The following LONP2 variants were observed in gnomAD, a reference collection of about 807,000 sequenced individuals.
The protein encoded by LONP2 is lon protease homolog 2, peroxisomal.
In LONP2, 60 loss-of-function variants were observed where a neutral mutation model predicts 85.6. That is an observed-to-expected ratio of 0.70 (90% confidence interval 0.57 to 0.87). The LOEUF is 0.87. Among genes scored for constraint, LONP2 ranks in the 40% least tolerant of loss-of-function variants. LONP2 has a pLI of 0.00. For missense variants in LONP2, 860 were observed against 1,063.5 expected (o/e 0.81, Z 2.66); for synonymous variants, 395 against 389.7 (o/e 1.01, Z -0.16).
chr16:48,327,360 C>T (rs1378701383), intron 11 of LONP2, among the ~76,000 whole-genome samples: 1 of 152,128 alleles, frequency 6.6e-6, no homozygotes, highest in Non-Finnish European at 1.5e-5. Flanking sequence ...GGAAAATAGT[C>T]GAAGTGGGAT....
At chr16:48,360,868 C>T (rs1186124346), downstream of LONP2, 2 of 152,036 alleles carry the variant, frequency 1.3e-5, no homozygotes, top group Non-Finnish European at 1.5e-5. Flanking sequence ...ATTATTTTTC[C>T]GATGTCACCT....
chr16:48,295,922 C>T (rs2150995681), intron 8 of LONP2, 93 bp from the exon 9 acceptor site: 1 of 1,176,820 alleles, frequency 8.5e-7, no homozygotes, highest in African/African-American at 1.6e-5. Context: ...GCAGAAATAC[C>T]AACCTTGCCA....
At chr16:48,273,137 C>T (rs751656291) in intron 7 of LONP2, among the ~76,000 whole-genome samples, 2 of 152,024 alleles carry the variant, frequency 1.3e-5, no homozygotes, top group East Asian at 1.9e-4. Flanking sequence ...ACCACTGTTC[C>T]GCAGCCTTAG....
At chr16:48,276,570 C>T (rs552312778) in intron 7 of LONP2, among the ~76,000 whole-genome samples, 1 of 152,186 alleles carries the variant, frequency 6.6e-6, no homozygotes, top group East Asian at 1.9e-4. Context: ...GTTTTTATTT[C>T]ATGCCACACT....
intron 12 of LONP2, among the ~76,000 whole-genome samples, chr16:48,340,076 A>C (rs1364980353): frequency 6.6e-6 from 1 of 152,204 alleles, no homozygotes; most frequent in African/African-American, 2.4e-5. Context: ...GCAGAAAGGA[A>C]GGAGCAGAGT....
intron 3 of LONP2, among the ~76,000 whole-genome samples, chr16:48,257,215 G>A (rs1022425505): frequency 6.6e-6 from 1 of 152,118 alleles, no homozygotes; most frequent in Non-Finnish European, 1.5e-5. Context: ...AGAGGCTGAG[G>A]CAGGAGAATC....
intron 7 of LONP2, among the ~76,000 whole-genome samples, chr16:48,274,658 A>ACACC (rs1205659528): frequency 1.1e-4 from 17 of 151,748 alleles, no homozygotes; most frequent in African/African-American, 4.1e-4. Flanking sequence ...ACACACCCAC[A>ACACC]CACCCACCCA....
Position 48,244,609 on chromosome 16 carries a change from C to T in LONP2, c.221C>T (p.Pro74Leu), listed in dbSNP as rs1971238496. 3 of 1,469,594 alleles carry T rather than the reference C, an allele frequency of 2.0e-6. No individual in the cohort carries two copies. Among genetic ancestry groups the T allele is most frequent in the African/African-American group, 1.5e-5 (1 of 68,422 alleles). The allele number at this position is 1,469,594 out of a possible 1,614,324, so 91.0% of individuals were successfully genotyped here. The change falls in exon 1 of 15, where the codon CCG (proline) becomes CTG (leucine). Residue 74 changes from proline to leucine, a missense_variant. Around this residue, in one of 3 missense-constraint regions of LONP2, gnomAD observed 743 missense variants for 917.3 expected, o/e 0.81. Coordinates refer to ENST00000285737, the MANE Select transcript of LONP2 (RefSeq NM_031490.5). ...PDPASDAQDL[P>L]PLHRIGTAAL... Reference sequence around the variant, plus strand: ...CCCGCCAGCGACGCGCAGGACCTGCCGCCGCTGCACAGGTAGGCCTGGCTG... The same window carrying T: ...CCCGCCAGCGACGCGCAGGACCTGCTGCCGCTGCACAGGTAGGCCTGGCTG...
chr16:48,349,249 GA>G (rs879906791), intron 14 of LONP2, among the ~76,000 whole-genome samples: 39 of 142,950 alleles, frequency 2.7e-4, no homozygotes, highest in East Asian at 8.0e-4. Flanking sequence ...GCAAGATGAG[GA>G]AAAAAAAAAA....
intron 1 of LONP2, among the ~76,000 whole-genome samples, chr16:48,244,908 T>C (rs1209618214): frequency 1.3e-5 from 2 of 152,226 alleles, no homozygotes; most frequent in African/African-American, 4.8e-5. Flanking sequence ...CCGCAATTCC[T>C]CGCCCTCGGT....
At chr16:48,340,660 C>G (rs1344645446) in intron 12 of LONP2, among the ~76,000 whole-genome samples, 6 of 152,240 alleles carry the variant, frequency 3.9e-5, no homozygotes, top group Admixed American at 2.0e-4. Context: ...TCTTGCATTC[C>G]TATAAAGAAA....
intron 12 of LONP2, chr16:48,334,874 C>A: frequency 2.2e-6 from 1 of 449,976 alleles, no homozygotes; most frequent in Non-Finnish European, 4.5e-6. Context: ...TGCAGCTTGG[C>A]CAGTCTCACT....
chr16:48,288,150 CTTTTTTTTT>C (rs1170612024), intron 8 of LONP2, among the ~76,000 whole-genome samples: 2 of 121,538 alleles, frequency 1.6e-5, no homozygotes, highest in African/African-American at 3.0e-5. Context: ...TAGTCTTCTT[CTTTTTTTTT>C]TTTTTTTTTT....
At chr16:48,293,942 T>C (rs1972613461) in intron 8 of LONP2, among the ~76,000 whole-genome samples, 1 of 152,182 alleles carries the variant, frequency 6.6e-6, no homozygotes, top group African/African-American at 2.4e-5. Context: ...TTTGTTCATT[T>C]GTTTGTTAGT....
At chr16:48,277,619 A>G (rs1241860313) in intron 8 of LONP2, 140 bp downstream of exon 8, 8 of 673,214 alleles carry the variant, frequency 1.2e-5, no homozygotes, top group Non-Finnish European at 1.8e-5. Context: ...GGTCTGAGCA[A>G]TTTGGCACTT....
intron 11 of LONP2, among the ~76,000 whole-genome samples, chr16:48,303,752 C>T (rs936316836): frequency 2.0e-5 from 3 of 152,108 alleles, no homozygotes; most frequent in African/African-American, 4.8e-5. Flanking sequence ...TGGCCGAAGC[C>T]CCAAGAGCCC....
chr16:48,322,167 A>G (rs1973279304), intron 11 of LONP2, among the ~76,000 whole-genome samples: 2 of 151,970 alleles, frequency 1.3e-5, no homozygotes, highest in South Asian at 4.1e-4. Flanking sequence ...AAATATTTTT[A>G]CCCCATTTAT....
rs1006858474 is a variant in LONP2 at position 48,353,860 on chromosome 16, A to C, written c.*2058A>C. On this transcript the variant is annotated 3_prime_UTR_variant, in exon 15 of 15. Coordinates refer to ENST00000285737, the MANE Select transcript of LONP2 (RefSeq NM_031490.5). ...TTAGTCCTGACACAGGCAGCCTTGCACTTTGTAGCAGCAGGAGGGCACTTG... is the reference window on the plus strand; with the variant it reads ...TTAGTCCTGACACAGGCAGCCTTGCCCTTTGTAGCAGCAGGAGGGCACTTG... 63 of 152,262 alleles carry C rather than the reference A, an allele frequency of 4.1e-4. No homozygotes were observed. The highest frequency in any genetic ancestry group is 5.6e-4 in the Non-Finnish European group (38 of 68,092). 9.4% of individuals were successfully genotyped at this position (152,262 alleles called of 1,614,324 possible). A position where few individuals can be genotyped will look rare whatever the true frequency, so the allele number is the denominator to read the frequency against.
chr16:48,362,270 A>G (rs1960621507), downstream of LONP2: 1 of 1,614,128 alleles, frequency 6.2e-7, no homozygotes, highest in Admixed American at 1.7e-5. The surrounding 1 kb of genome is among the most constrained non-coding windows in gnomAD (Gnocchi z 4.2). Flanking sequence ...TCTGACATTG[A>G]AGAATGGGCG....
Sources: allele counts gnomAD v4.1 joint callset (sites outside exome capture counted in the v4.1 genomes callset), GRCh38; gene constraint gnomAD v4.1.1; regional missense constraint gnomAD v4.1.1; non-coding constraint Gnocchi (gnomAD v3.1); transcripts MANE v1.5; gene names NCBI Gene and HGNC (gene_info 2026-07-23, HGNC 2026-07-21).